The following NPAS1 variants were observed in gnomAD, a reference collection of about 807,000 sequenced individuals.
NPAS1 encodes the protein neuronal PAS domain protein 1, also known as neuronal PAS domain-containing protein 1.
In NPAS1, 29 loss-of-function variants were observed where a neutral mutation model predicts 49.2. That is an observed-to-expected ratio of 0.59 (90% confidence interval 0.44 to 0.80). The LOEUF is 0.80. Ranked by LOEUF, NPAS1 falls within the 30% of genes least tolerant of loss-of-function variation. The pLI is 0.00. For synonymous variants in NPAS1, 408 were observed against 380.4 expected (o/e 1.07, Z -0.84); for missense variants, 825 against 835.5 (o/e 0.99, Z 0.15).
chr19:47,035,093 A>G (rs1290668299), intron 5 of NPAS1, among the ~76,000 whole-genome samples: 3 of 151,798 alleles, frequency 2.0e-5, no homozygotes, highest in East Asian at 3.9e-4. Context: ...AGGCGGGAGA[A>G]TTGCTTGAAC....
chr19:47,041,252 G>A, intron 10 of NPAS1, 127 bp downstream of exon 10: 1 of 896,910 alleles, frequency 1.1e-6, no homozygotes, highest in Non-Finnish European at 1.6e-6. Context: ...AGACACGAAG[G>A]GGAAGGAGGG....
chr19:47,040,524 C>A lies in NPAS1; in HGVS notation c.1043C>A (p.Thr348Lys), dbSNP rs776454114. The A allele has an allele frequency of 1.9e-6, 3 of 1,595,380 alleles. No individual in the cohort carries two copies. Residue 348 changes from threonine to lysine, a missense_variant, in exon 9 of 12, where the codon ACG (threonine) becomes AAG (lysine). Thr to Lys is a moderately conservative substitution (Grantham distance 78). Coordinates refer to ENST00000602212, the MANE Select transcript of NPAS1 (RefSeq NM_002517.4). ...CAGTTTGTCCACGGACAGGACGCCACGAGGATCCGCCAGAGCCACGTGGAC... is the reference window on the plus strand; with the variant it reads ...CAGTTTGTCCACGGACAGGACGCCAAGAGGATCCGCCAGAGCCACGTGGAC... ...CYQFVHGQDA[T>K]RIRQSHVDLL...
In NPAS1 at chr19:47,039,443, CTGGGCCTTGTGGCCCTCGGGCACACGT is replaced by C. The variant is rs753683869; in HGVS notation, c.844_870del (p.Gly282_Leu290del). On this transcript the variant is annotated inframe_deletion, in exon 8 of 12. Transcript: ENST00000602212. The stretch of plus-strand genomic sequence containing the variant: ...GACTGGGCGCCTTCGGGCCCACGCC[CTGGGCCTTGTGGCCCTCGGGCACACGT>C]TGCCCCCGGCCCCCCTGGCTGAGCT... The C allele has an allele frequency of 6.2e-7, 1 of 1,612,008 alleles. No homozygotes were observed. The highest frequency in any genetic ancestry group is 1.3e-5 in the African/African-American group (1 of 75,002).
intron 9 of NPAS1, 136 bp from the exon 10 acceptor site, chr19:47,040,842 T>C (rs933623430): frequency 2.7e-5 from 20 of 743,188 alleles, no homozygotes; most frequent in Non-Finnish European, 4.0e-5. Context: ...TGCTTTCACC[T>C]TTTTCTCTTC....
chr19:47,044,651 C>G (rs1364357170), intron 11 of NPAS1, among the ~76,000 whole-genome samples: 1 of 152,214 alleles, frequency 6.6e-6, no homozygotes, highest in Admixed American at 6.5e-5. Flanking sequence ...CATCCCTGGC[C>G]TCTACCCTCT....
intron 3 of NPAS1, among the ~76,000 whole-genome samples, chr19:47,027,034 T>C (rs908017890): frequency 6.6e-6 from 1 of 151,678 alleles, no homozygotes; most frequent in Non-Finnish European, 1.5e-5. Flanking sequence ...CCCATTCAAC[T>C]CTATCACTGT....
In NPAS1 at chr19:47,022,967, C is replaced by T. The variant is rs535211396; in HGVS notation, c.358+1120C>T. On this transcript the variant is annotated intron_variant, in intron 3 of 11. Transcript: ENST00000602212. ...GTGTTTATCTGAAGTCTCAGGGCAC[C>T]CCAGGCTACCCCTGTCCCCACCCCT... 1.1e-4 allele frequency among the ~76,000 whole-genome samples: 16 copies of T among 152,238 alleles called. No homozygotes were observed. The East Asian group carries it at 2.9e-3, about 28-fold the overall frequency.
intron 6 of NPAS1, 66 bp downstream of exon 6, chr19:47,036,195 T>G: frequency 6.8e-7 from 1 of 1,469,586 alleles, no homozygotes; most frequent in Admixed American, 2.0e-5. Flanking sequence ...CTGTACTGTA[T>G]CCAGCCATGC....
At chr19:47,036,151 G>T in intron 6 of NPAS1, 22 bp downstream of exon 6, 1 of 1,550,660 alleles carries the variant, frequency 6.4e-7, no homozygotes, top group African/African-American at 1.4e-5. Context: ...GGCTCCTAAA[G>T]AATGAAGTCT....
rs1442232308 is a variant in NPAS1, at chr19:47,032,626, GTC to G, written c.433-12_433-11del. 1.9e-6 allele frequency: 3 copies of G among 1,611,474 alleles called. No individual in the cohort carries two copies. In the Admixed American group the frequency reaches 5.0e-5, roughly 27 times the overall value. On this transcript the variant is annotated splice_polypyrimidine_tract_variant and intron_variant, in intron 4 of 11. Coordinates refer to ENST00000602212, the MANE Select transcript of NPAS1 (RefSeq NM_002517.4). ...CCGGGTCCTCTCCTTCCCCCTCCCTGTCTCTCCCGGCTCTAGTCCCTGGATGG... is the reference window on the plus strand; with the variant it reads ...CCGGGTCCTCTCCTTCCCCCTCCCTGTCTCCCGGCTCTAGTCCCTGGATGG...
In NPAS1 at chr19:47,035,997, A is replaced by G. The variant is rs371902612; in HGVS notation, c.556A>G (p.Ile186Val). The change falls in exon 6 of 12, where the codon ATT (isoleucine) becomes GTT (valine). Residue 186 changes from isoleucine to valine, a missense_variant. Coordinates refer to ENST00000602212, the MANE Select transcript of NPAS1 (RefSeq NM_002517.4). Reference sequence around the variant, plus strand: ...GACGGGCAGCAGCGTCTTCGACTACATTCACCCTGGGGACCACTCAGAGGT... The same window carrying G: ...GACGGGCAGCAGCGTCTTCGACTACGTTCACCCTGGGGACCACTCAGAGGT... ...EMTGSSVFDY[I>V]HPGDHSEVLE... 8.0e-5 allele frequency: 124 copies of G among 1,559,726 alleles called. No homozygotes were observed. The highest frequency in any genetic ancestry group is 4.5e-5 in the East Asian group (2 of 44,008).
In NPAS1 at chr19:47,032,298, G is replaced by T; in HGVS notation, c.379G>T (p.Ala127Ser). 6.2e-7 allele frequency: 1 copy of T among 1,613,984 alleles called. No individual in the cohort carries two copies. The highest frequency in any genetic ancestry group is 1.1e-5 in the South Asian group (1 of 91,078). ...CCCAGCCCCAGGCCGCCGCGGCCCCGCAGCGCTGGTCTCCGAAGTCTTCGA... is the reference window on the plus strand; with the variant it reads ...CCCAGCCCCAGGCCGCCGCGGCCCCTCAGCGCTGGTCTCCGAAGTCTTCGA... ...AGLAPGRRGP[A>S]ALVSEVFEQH... Residue 127 changes from alanine (A) to serine (S), a missense_variant, in exon 4 of 12, where the codon GCA becomes TCA. Transcript: ENST00000602212.
chr19:47,028,820 C>A (rs2056889233), intron 3 of NPAS1, among the ~76,000 whole-genome samples: 1 of 152,092 alleles, frequency 6.6e-6, no homozygotes, highest in Admixed American at 6.5e-5. Flanking sequence ...GGTTGGAGCT[C>A]CCTCGGGGGT....
rs1228755786 is a variant in NPAS1 at position 47,039,536 on chromosome 19, G to A, written c.934G>A (p.Gly312Ser). The change falls in exon 8 of 12, where the codon GGT (glycine) becomes AGT (serine). Residue 312 changes from glycine to serine, a missense_variant. Coordinates refer to ENST00000602212, the MANE Select transcript of NPAS1 (RefSeq NM_002517.4). ...GHMIVFRLSL[G>S]LTILACESRV... ...CATGATCGTCTTCCGTCTCAGCCTG[G>A]GTCTCACCATCCTTGCTTGTGAGAG... The A allele has an allele frequency of 3.8e-6, 6 of 1,595,662 alleles. No individual in the cohort carries two copies. In the Admixed American group the frequency reaches 8.6e-5, roughly 23 times the overall value.
chr19:47,037,338 CAAAA>C (rs869125845), intron 6 of NPAS1, among the ~76,000 whole-genome samples: 14 of 51,788 alleles, frequency 2.7e-4, no homozygotes, highest in African/African-American at 6.6e-4. Context: ...ACTCCGTCTC[CAAAA>C]AAAAAAAAAA....
chr19:47,039,635 G>A (rs2056998044), intron 8 of NPAS1, 71 bp downstream of exon 8: 6 of 1,480,036 alleles, frequency 4.1e-6, no homozygotes, highest in Admixed American at 4.3e-5. Flanking sequence ...TGGGGAGTCA[G>A]AGGGAGTGCT....
chr19:47,032,185 G>C (rs111761806), intron 3 of NPAS1, 93 bp from the exon 4 acceptor site: 1 of 1,151,450 alleles, frequency 8.7e-7, no homozygotes, highest in Non-Finnish European at 1.3e-6. Context: ...AAGCCTTAGG[G>C]GAAGAGAGGG....
chr19:47,026,867 T>C (rs1220558945), intron 3 of NPAS1, among the ~76,000 whole-genome samples: 3 of 150,592 alleles, frequency 2.0e-5, no homozygotes, highest in Admixed American at 6.6e-5. Context: ...GGCAGGAAAA[T>C]CACGTGAACC....
intron 3 of NPAS1, among the ~76,000 whole-genome samples, chr19:47,026,194 C>T (rs565882246): frequency 6.6e-6 from 1 of 152,344 alleles, no homozygotes; most frequent in East Asian, 1.9e-4. Context: ...CCACCTCAGC[C>T]TCCCAAAGTG....
Sources: allele counts gnomAD v4.1 joint callset (sites outside exome capture counted in the v4.1 genomes callset), GRCh38; gene constraint gnomAD v4.1.1; transcripts MANE v1.5; gene names NCBI Gene and HGNC (gene_info 2026-07-23, HGNC 2026-07-21).